GALNT10: variants seen among roughly 807,000 people sequenced by gnomAD.
GALNT10 encodes the protein polypeptide N-acetylgalactosaminyltransferase 10.
Under a neutral mutation model 75.0 loss-of-function variants are expected in GALNT10, and 41 were observed. The observed-to-expected ratio is 0.55, with a 90% CI of 0.43 to 0.71. GALNT10 has a LOEUF of 0.71. Ranked by LOEUF, GALNT10 falls within the 30% of genes least tolerant of loss-of-function variation. GALNT10 has a pLI of 0.00. For synonymous variants in GALNT10, 302 were observed against 313.0 expected (o/e 0.96, Z 0.37); for missense variants, 727 against 818.5 (o/e 0.89, Z 1.36).
At chr5:154,378,101 C>T (rs1231946065) in intron 5 of GALNT10, among the ~76,000 whole-genome samples, 2 of 152,138 alleles carry the variant, frequency 1.3e-5, no homozygotes, top group African/African-American at 4.8e-5. Context: ...TTGTTTTTTG[C>T]TTCTTCCAAT....
At chr5:154,344,312 A>G (rs1429523316) in intron 4 of GALNT10, among the ~76,000 whole-genome samples, 1 of 151,248 alleles carries the variant, frequency 6.6e-6, no homozygotes, top group Non-Finnish European at 1.5e-5. Flanking sequence ...CCTGGGTTCA[A>G]GTGATTCTCC....
intron 3 of GALNT10, among the ~76,000 whole-genome samples, chr5:154,311,387 T>C (rs575091827): frequency 2.0e-5 from 3 of 152,324 alleles, no homozygotes; most frequent in East Asian, 1.9e-4. Context: ...TATTTTGTGG[T>C]TTAGCCTCTC....
chr5:154,337,143 A>G (rs1007387730), intron 4 of GALNT10, among the ~76,000 whole-genome samples: 1 of 152,202 alleles, frequency 6.6e-6, no homozygotes, highest in Non-Finnish European at 1.5e-5. Flanking sequence ...AGACACATTT[A>G]TTCAGCGTCA....
rs763819874 is a variant in GALNT10 at position 154,298,648 on chromosome 5, G to A, written c.401+569G>A. Among the ~76,000 whole-genome samples the A allele has an allele frequency of 5.9e-5, 9 of 152,128 alleles. No homozygotes were observed. The highest frequency in any genetic ancestry group is 1.2e-4 in the Non-Finnish European group (8 of 68,032). On this transcript the variant is annotated intron_variant, in intron 3 of 11. Coordinates refer to ENST00000297107, the MANE Select transcript of GALNT10 (RefSeq NM_198321.4). This position sits in a 1 kb window ranked among gnomAD's most constrained non-coding sequence, Gnocchi z 4.1. Reference sequence around the variant, plus strand: ...TGAGAAAACTGGGGCTTAAAGGAGGGTCATAACTCACTTAAGGCTATAAGT... The same window carrying A: ...TGAGAAAACTGGGGCTTAAAGGAGGATCATAACTCACTTAAGGCTATAAGT...
chr5:154,193,006 G>A (rs1455218593), intron 1 of GALNT10, among the ~76,000 whole-genome samples: 4 of 152,088 alleles, frequency 2.6e-5, no homozygotes, highest in African/African-American at 9.7e-5. Context: ...TTTTGGGCAG[G>A]GAGAGAGAGG....
rs1411356674 is a variant in GALNT10 at position 154,386,433 on chromosome 5, G to A, written c.1056+3G>A. The A allele has an allele frequency of 1.1e-5, 17 of 1,571,608 alleles. No individual in the cohort carries two copies. The highest frequency in any genetic ancestry group is 8.3e-5 in the Admixed American group (5 of 59,954). On this transcript the variant is annotated splice_donor_region_variant and intron_variant, in intron 7 of 11. Coordinates refer to ENST00000297107, the MANE Select transcript of GALNT10 (RefSeq NM_198321.4). ...AGCAGTATGAAATCTCCTTCAAGGT[G>A]AGCCAGCTCTCCAGACGCCCCGTTC...
chr5:154,406,849 A>C (rs1266531019), intron 8 of GALNT10, among the ~76,000 whole-genome samples: 1 of 152,118 alleles, frequency 6.6e-6, no homozygotes, highest in Non-Finnish European at 1.5e-5. Context: ...AGCCTTCTAG[A>C]GCATTGTCCC....
rs1755655278 is a variant in GALNT10 at position 154,376,674 on chromosome 5, A to G, written c.754+212A>G. Among the ~76,000 whole-genome samples, 1 of 152,220 alleles carries G rather than the reference A, an allele frequency of 6.6e-6. No homozygotes were observed. Among genetic ancestry groups the G allele is most frequent in the Non-Finnish European group, 1.5e-5 (1 of 68,032 alleles). Reference sequence around the variant, plus strand: ...GTCCCTTCATTTCACAGAGAAGTTAAGACTCAGAGAGGCGAAGTGACTTAC... The same window carrying G: ...GTCCCTTCATTTCACAGAGAAGTTAGGACTCAGAGAGGCGAAGTGACTTAC... On this transcript the variant is annotated intron_variant, in intron 5 of 11. Transcript: ENST00000297107. This position sits in a 1 kb window ranked among gnomAD's most constrained non-coding sequence, Gnocchi z 4.1.
intron 10 of GALNT10, 144 bp downstream of exon 10, chr5:154,413,149 C>A: frequency 1.6e-6 from 1 of 626,554 alleles, no homozygotes; most frequent in Non-Finnish European, 2.8e-6. Flanking sequence ...TTAAGATCTT[C>A]CTGAACACCG....
intron 1 of GALNT10, among the ~76,000 whole-genome samples, chr5:154,291,101 G>GA (rs1388296242): frequency 6.6e-6 from 1 of 152,174 alleles, no homozygotes; most frequent in African/African-American, 2.4e-5. Flanking sequence ...AGTTAGGTAT[G>GA]AAACTCCCAG....
intron 4 of GALNT10, among the ~76,000 whole-genome samples, chr5:154,339,886 C>G (rs1276516442): frequency 6.6e-6 from 1 of 152,142 alleles, no homozygotes; most frequent in Non-Finnish European, 1.5e-5. Flanking sequence ...TGGATAATAT[C>G]CCCAGGGAGA....
chr5:154,330,416 G>A (rs1415051560), intron 4 of GALNT10, among the ~76,000 whole-genome samples: 2 of 152,248 alleles, frequency 1.3e-5, no homozygotes, highest in African/African-American at 4.8e-5. Context: ...TGGGATTGCA[G>A]TGTCTGGCAC....
intron 3 of GALNT10, among the ~76,000 whole-genome samples, chr5:154,315,577 AT>A (rs959777793): frequency 6.6e-6 from 1 of 152,152 alleles, no homozygotes; most frequent in African/African-American, 2.4e-5. Flanking sequence ...AGAGAATTTG[AT>A]TGGTCTGGTG....
At chr5:154,273,635 T>A (rs1753904537) in intron 1 of GALNT10, among the ~76,000 whole-genome samples, 2 of 152,166 alleles carry the variant, frequency 1.3e-5, no homozygotes, top group Admixed American at 6.5e-5. Context: ...TTAATAGTGG[T>A]TATCTCTAGG....
At chr5:154,198,119 GCCT>G (rs2113640091) in intron 1 of GALNT10, among the ~76,000 whole-genome samples, 1 of 152,296 alleles carries the variant, frequency 6.6e-6, no homozygotes, top group African/African-American at 2.4e-5. Context: ...CTCTACCTCA[GCCT>G]CCTCCTGTCT....
chr5:154,273,717 C>G (rs7731823), intron 1 of GALNT10, among the ~76,000 whole-genome samples: 1 of 152,180 alleles, frequency 6.6e-6, no homozygotes, highest in African/African-American at 2.4e-5. Flanking sequence ...GCATCTTTCA[C>G]CATGTGCCTT....
intron 3 of GALNT10, among the ~76,000 whole-genome samples, chr5:154,301,027 T>A (rs2113082465): frequency 6.6e-6 from 1 of 152,306 alleles, no homozygotes; most frequent in African/African-American, 2.4e-5. Context: ...GGAGCCAGGA[T>A]GAGGACCTAG....
At chr5:154,251,215 C>T (rs576816029) in intron 1 of GALNT10, among the ~76,000 whole-genome samples, 1 of 152,226 alleles carries the variant, frequency 6.6e-6, no homozygotes, top group East Asian at 1.9e-4. Flanking sequence ...CCCCTCTTTC[C>T]CCTTAATAGT....
intron 1 of GALNT10, among the ~76,000 whole-genome samples, chr5:154,225,963 T>A (rs1253050589): frequency 6.6e-6 from 1 of 151,580 alleles, no homozygotes; most frequent in African/African-American, 2.4e-5. Context: ...AAGGGGAACA[T>A]CACACACCGG....
Sources: gnomAD v4.1 joint callset for allele counts (sites outside exome capture counted in the v4.1 genomes callset) on GRCh38, gnomAD v4.1.1 for gene constraint, Gnocchi (gnomAD v3.1) non-coding constraint, MANE v1.5 for transcripts, NCBI Gene and HGNC (gene_info 2026-07-23, HGNC 2026-07-21) for gene names.